The following LRRC4C variants were observed in gnomAD, a reference collection of about 807,000 sequenced individuals.
LRRC4C encodes the protein leucine rich repeat containing 4C.
A neutral mutation model predicts 33.6 loss-of-function variants in LRRC4C; 5 were observed. That is an observed-to-expected ratio of 0.15 (90% CI 0.08 to 0.31). LRRC4C has a LOEUF of 0.31. Ranked by LOEUF, LRRC4C falls within the 10% of genes least tolerant of loss-of-function variation. The pLI, the probability that LRRC4C is intolerant of heterozygous loss-of-function variation, is 1.00. For synonymous variants in LRRC4C, 329 were observed against 302.0 expected, an observed-to-expected ratio of 1.09 and a Z score of -0.93; for missense variants, 560 against 796.7, an observed-to-expected ratio of 0.70 and a Z score of 3.58.
At chr11:40,660,581 T>C (rs1160382350) in intron 2 of LRRC4C, among the ~76,000 whole-genome samples, 1 of 152,184 alleles carries the variant, frequency 6.6e-6, no homozygotes, top group Admixed American at 6.5e-5. Context: ...ATTTGCCACA[T>C]GTTGTTGCTG....
intron 2 of LRRC4C, among the ~76,000 whole-genome samples, chr11:40,728,627 A>C (rs1442877540): frequency 6.9e-6 from 1 of 145,442 alleles, no homozygotes; most frequent in Non-Finnish European, 1.5e-5. Context: ...CTCCGTCTCA[A>C]AAAAAAAAAA....
chr11:41,251,019 T>C (rs1452333529), intron 1 of LRRC4C, among the ~76,000 whole-genome samples: 2 of 152,210 alleles, frequency 1.3e-5, no homozygotes, highest in Non-Finnish European at 2.9e-5. Context: ...AAATTGTTAA[T>C]TTTTGTAGAC....
At chr11:40,624,789 T>A (rs1041725832) in intron 3 of LRRC4C, among the ~76,000 whole-genome samples, 1 of 152,184 alleles carries the variant, frequency 6.6e-6, no homozygotes, top group Non-Finnish European at 1.5e-5. Context: ...ATCTAAGATC[T>A]AATTTGGCCT....
intron 1 of LRRC4C, among the ~76,000 whole-genome samples, chr11:41,048,776 T>G (rs943825321): frequency 1.3e-5 from 2 of 152,336 alleles, no homozygotes; most frequent in South Asian, 2.1e-4. Flanking sequence ...ATTAGTCTGG[T>G]TCCTTCTATG....
chr11:40,214,910 A>G (rs1863866007), intron 5 of LRRC4C, among the ~76,000 whole-genome samples: 1 of 152,154 alleles, frequency 6.6e-6, no homozygotes, highest in African/African-American at 2.4e-5. Flanking sequence ...AGGAATCATT[A>G]AAGAGCTAGT....
rs186143320 is a variant in LRRC4C, at chr11:40,845,831, C to G, written c.-407+87804G>C. Among the ~76,000 whole-genome samples the G allele has an allele frequency of 2.4e-3, 363 of 152,296 alleles. 4 individuals carry two copies. Among genetic ancestry groups the G allele is most frequent in the African/African-American group, 7.9e-3 (327 of 41,568 alleles). Reference sequence around the variant, plus strand: ...AAGCATTCCTATTTCTCCACATCCTCTGTAGCATCTGTTGTTTCCTTACTG... The same window carrying G: ...AAGCATTCCTATTTCTCCACATCCTGTGTAGCATCTGTTGTTTCCTTACTG... On this transcript the variant is annotated intron_variant, in intron 2 of 6. Coordinates refer to ENST00000528697, the MANE Select transcript of LRRC4C (RefSeq NM_001258419.2).
intron 3 of LRRC4C, among the ~76,000 whole-genome samples, chr11:40,596,018 G>C (rs1157171124): frequency 6.6e-6 from 1 of 152,044 alleles, no homozygotes; most frequent in South Asian, 2.1e-4. Context: ...CCTCGCGAAA[G>C]AGTGTTGTAT....
intron 1 of LRRC4C, among the ~76,000 whole-genome samples, chr11:41,076,342 A>G (rs186946375): frequency 1.1e-4 from 17 of 152,314 alleles, no homozygotes; most frequent in Admixed American, 1.1e-3. Context: ...ACAATGCTAT[A>G]AAGAACTATC....
At chr11:40,678,828 C>T (rs1944538196) in intron 2 of LRRC4C, among the ~76,000 whole-genome samples, 1 of 152,054 alleles carries the variant, frequency 6.6e-6, no homozygotes, top group Non-Finnish European at 1.5e-5. Flanking sequence ...TTATTAGCAG[C>T]ATGAGAACGG....
chr11:41,342,173 C>A (rs549863019), intron 1 of LRRC4C, among the ~76,000 whole-genome samples: 2 of 151,424 alleles, frequency 1.3e-5, no homozygotes, highest in Non-Finnish European at 3.0e-5. Flanking sequence ...GACAACACTG[C>A]CTAAAATATT....
At chr11:41,055,077 T>C (rs943720116) in intron 1 of LRRC4C, among the ~76,000 whole-genome samples, 6 of 152,212 alleles carry the variant, frequency 3.9e-5, no homozygotes, top group Non-Finnish European at 8.8e-5. Context: ...AGAAGCCCTC[T>C]TCTTTTAACC....
In LRRC4C at chr11:40,746,465, G is replaced by C. The variant is rs540002609; in HGVS notation, c.-406-98187C>G. Among the ~76,000 whole-genome samples the C allele has an allele frequency of 5.3e-5, 8 of 152,294 alleles. No homozygotes were observed. The South Asian group carries it at 1.7e-3, about 32-fold the overall frequency. Reference sequence around the variant, plus strand: ...GGGCTGAGGCTCTAGTGCCACTAGGGCAGAGGTGCGTGTAGAGTACACAGT... The same window carrying C: ...GGGCTGAGGCTCTAGTGCCACTAGGCCAGAGGTGCGTGTAGAGTACACAGT... On this transcript the variant is annotated intron_variant, in intron 2 of 6. Coordinates refer to ENST00000528697, the MANE Select transcript of LRRC4C (RefSeq NM_001258419.2).
chr11:40,984,363 A>AG (rs1375965996), intron 1 of LRRC4C, among the ~76,000 whole-genome samples: 44 of 120,400 alleles, frequency 3.7e-4, no homozygotes, highest in African/African-American at 5.4e-4. Flanking sequence ...AAAGAAAGAA[A>AG]AAAGAAAGAA....
intron 2 of LRRC4C, among the ~76,000 whole-genome samples, chr11:40,722,925 T>C (rs1429911660): frequency 6.6e-6 from 1 of 152,136 alleles, no homozygotes; most frequent in Non-Finnish European, 1.5e-5. Flanking sequence ...ACTTCTGGAA[T>C]TTAAAAATTC....
intron 1 of LRRC4C, among the ~76,000 whole-genome samples, chr11:41,383,533 G>A (rs2137914529): frequency 6.6e-6 from 1 of 152,016 alleles, no homozygotes; most frequent in Admixed American, 6.6e-5. Flanking sequence ...TGTACAATTG[G>A]AAATTTCTAG....
At chr11:40,732,661 C>T (rs79204695) in intron 2 of LRRC4C, among the ~76,000 whole-genome samples, 62 of 152,264 alleles carry the variant, frequency 4.1e-4, no homozygotes, top group East Asian at 1.9e-3. Flanking sequence ...ACAATCATTA[C>T]CTTCATCTTT....
intron 3 of LRRC4C, among the ~76,000 whole-genome samples, chr11:40,461,291 C>T (rs1229644026): frequency 6.6e-6 from 1 of 152,106 alleles, no homozygotes; most frequent in Non-Finnish European, 1.5e-5. Context: ...CTGGGATTGA[C>T]TGACTTTTCC....
chr11:41,390,314 T>C (rs573912413), intron 1 of LRRC4C, among the ~76,000 whole-genome samples: 1 of 152,018 alleles, frequency 6.6e-6, no homozygotes, highest in African/African-American at 2.4e-5. Context: ...TCTTCAGCTT[T>C]TGAATGGCTG....
chr11:40,160,880 A>G (rs1023801445), intron 5 of LRRC4C, among the ~76,000 whole-genome samples: 4 of 152,196 alleles, frequency 2.6e-5, no homozygotes, highest in African/African-American at 9.6e-5. Flanking sequence ...GGAGGAATAG[A>G]AGACTATGTG....
Sources: allele counts gnomAD v4.1 joint callset (sites outside exome capture counted in the v4.1 genomes callset), GRCh38; gene constraint gnomAD v4.1.1; transcripts MANE v1.5; gene names NCBI Gene and HGNC (gene_info 2026-07-23, HGNC 2026-07-21).